The following KIAA0825 variants were observed in gnomAD, a reference collection of about 807,000 sequenced individuals.
KIAA0825 encodes the protein KIAA0825, also known as uncharacterized protein KIAA0825.
KIAA0825 carries 119 observed loss-of-function variants against 147.6 expected under a neutral mutation model. The observed-to-expected ratio is 0.81, with a 90% CI of 0.69 to 0.94. The LOEUF is 0.94. Ranked by LOEUF, KIAA0825 falls within the 40% of genes least tolerant of loss-of-function variation. The pLI is 0.00. For missense variants in KIAA0825, 1,381 were observed against 1,472.7 expected (o/e 0.94, Z 1.02); for synonymous variants, 470 against 518.1 (o/e 0.91, Z 1.26).
chr5:94,399,462 C>T (rs981877258), intron 16 of KIAA0825, among the ~76,000 whole-genome samples: 1 of 152,048 alleles, frequency 6.6e-6, no homozygotes, highest in African/African-American at 2.4e-5. Flanking sequence ...CACTCAAATC[C>T]CCAGCTATTT....
intron 3 of KIAA0825, among the ~76,000 whole-genome samples, chr5:94,531,969 A>C (rs1770883652): frequency 6.6e-6 from 1 of 152,164 alleles, no homozygotes; most frequent in Non-Finnish European, 1.5e-5. Flanking sequence ...ACATACATAT[A>C]AACAGCCATC....
intron 20 of KIAA0825, among the ~76,000 whole-genome samples, chr5:94,297,714 G>C (rs187313178): frequency 6.6e-6 from 1 of 151,886 alleles, no homozygotes; most frequent in Non-Finnish European, 1.5e-5. Context: ...TCCTGCCTTA[G>C]CCTTGTGAGT....
chr5:94,166,525 T>TTTTTTTTA (rs398050548), intron 20 of KIAA0825, among the ~76,000 whole-genome samples: 1 of 145,676 alleles, frequency 6.9e-6, no homozygotes, highest in Non-Finnish European at 1.5e-5. Context: ...TTTTTTTTTT[T>TTTTTTTTA]GAGATGGAAT....
In KIAA0825 at chr5:94,455,960, A is replaced by C. The variant is rs573331007; in HGVS notation, c.2247-2891T>G. On this transcript the variant is annotated intron_variant, in intron 12 of 20. Transcript: ENST00000682413. ...TGTACCAGAGTCTGGATACAGCCCAAGAAAGTGAGGGTATGAGGAGGACCA... is the reference window on the plus strand; with the variant it reads ...TGTACCAGAGTCTGGATACAGCCCACGAAAGTGAGGGTATGAGGAGGACCA... Among the ~76,000 whole-genome samples the C allele has an allele frequency of 3.3e-5, 5 of 152,290 alleles. No individual in the cohort carries two copies. The East Asian group carries it at 9.7e-4, about 29-fold the overall frequency.
chr5:94,455,185 C>T (rs1254304177), intron 12 of KIAA0825, among the ~76,000 whole-genome samples: 2 of 151,972 alleles, frequency 1.3e-5, no homozygotes. Flanking sequence ...CACACTACCC[C>T]CCAACCCCCC....
At chr5:94,360,703 T>C (rs921019046) in intron 20 of KIAA0825, among the ~76,000 whole-genome samples, 5 of 152,196 alleles carry the variant, frequency 3.3e-5, no homozygotes, top group Admixed American at 1.3e-4. Flanking sequence ...TACTGGAAAT[T>C]GCCCACCCCT....
At chr5:94,210,011 A>G (rs1772557808) in intron 20 of KIAA0825, among the ~76,000 whole-genome samples, 1 of 152,190 alleles carries the variant, frequency 6.6e-6, no homozygotes, top group South Asian at 2.1e-4. Flanking sequence ...ATTTGTCACA[A>G]CCCATCAATA....
chr5:94,570,944 T>C (rs1286955219), intron 2 of KIAA0825, among the ~76,000 whole-genome samples: 1 of 152,244 alleles, frequency 6.6e-6, no homozygotes, highest in Non-Finnish European at 1.5e-5. Flanking sequence ...GTTATTTTTG[T>C]TTTATTCAAC....
chr5:94,409,577 A>G (rs541338364), intron 15 of KIAA0825, among the ~76,000 whole-genome samples: 4 of 152,280 alleles, frequency 2.6e-5, no homozygotes, highest in Admixed American at 2.6e-4. Context: ...TCTTACACAG[A>G]ATACTAGACT....
intron 20 of KIAA0825, among the ~76,000 whole-genome samples, chr5:94,218,919 A>G (rs1243821549): frequency 3.3e-5 from 5 of 152,014 alleles, no homozygotes; most frequent in African/African-American, 1.2e-4. Flanking sequence ...TACCTTATTC[A>G]GCTTTGGGGT....
chr5:94,513,573 T>C (rs1422854524), intron 5 of KIAA0825, among the ~76,000 whole-genome samples: 1 of 152,166 alleles, frequency 6.6e-6, no homozygotes, highest in Non-Finnish European at 1.5e-5. Context: ...CAATATACTT[T>C]CCATTTTTGT....
At chr5:94,505,371 A>G (rs1426738160) in intron 5 of KIAA0825, among the ~76,000 whole-genome samples, 3 of 151,934 alleles carry the variant, frequency 2.0e-5, no homozygotes, top group African/African-American at 7.2e-5. Context: ...TAAAAAAAAA[A>G]AAAAAAAGTT....
intron 20 of KIAA0825, among the ~76,000 whole-genome samples, chr5:94,171,999 A>T (rs1768663233): frequency 1.3e-5 from 2 of 152,198 alleles, no homozygotes; most frequent in Non-Finnish European, 2.9e-5. Context: ...TCTCATTAGG[A>T]TTCCACGCTG....
Position 94,614,705 on chromosome 5 carries a change from G to GA in KIAA0825, c.-153+3794dup, listed in dbSNP as rs552707906. Among the ~76,000 whole-genome samples the GA allele has an allele frequency of 3.3e-3, 478 of 145,492 alleles. 4 individuals are homozygous for GA. The highest frequency in any genetic ancestry group is 0.01 in the African/African-American group (412 of 39,792). On this transcript the variant is annotated intron_variant, in intron 1 of 20. Transcript: ENST00000682413. ...AGGTCTTTCCTCATCTGCCCTCCTG[G>GA]AAAAAAAAAAATCTCTTTTCTTTGC...
chr5:94,589,475 G>C (rs1783949278), intron 1 of KIAA0825, among the ~76,000 whole-genome samples: 1 of 152,186 alleles, frequency 6.6e-6, no homozygotes, highest in South Asian at 2.1e-4. Flanking sequence ...ATTTGACAGA[G>C]AATGCTTTGA....
chr5:94,414,437 A>AG (rs1485202520), intron 15 of KIAA0825: 3 of 152,190 alleles, frequency 2.0e-5, no homozygotes, highest in African/African-American at 7.2e-5. Context: ...TTTCTTACAG[A>AG]GTGCATTGGC....
chr5:94,279,782 G>C (rs1403019909), intron 20 of KIAA0825, among the ~76,000 whole-genome samples: 1 of 151,956 alleles, frequency 6.6e-6, no homozygotes, highest in Non-Finnish European at 1.5e-5. Context: ...TGTCTTTATA[G>C]GAGGACCACC....
rs17083687 is a variant in KIAA0825, at chr5:94,439,395, A to G, written c.2497+587T>C. On this transcript the variant is annotated intron_variant, in intron 14 of 20. Coordinates refer to ENST00000682413, the MANE Select transcript of KIAA0825 (RefSeq NM_001145678.3). ...TTATACTGACATAACATTACTTACC[A>G]TTTTCTTAAAAAGCATTTAAAGGGG... Among the ~76,000 whole-genome samples, 1,147 of 152,222 alleles carry G rather than the reference A, an allele frequency of 7.5e-3. 17 individuals carry two copies. The highest frequency in any genetic ancestry group is 0.026 in the African/African-American group (1,091 of 41,528).
chr5:94,255,157 G>A (rs1290501859), intron 20 of KIAA0825, among the ~76,000 whole-genome samples: 4 of 150,882 alleles, frequency 2.7e-5, no homozygotes, highest in African/African-American at 9.8e-5. Context: ...TCATGACAAT[G>A]GCATTTGATT....
Sources: allele counts gnomAD v4.1 joint callset (sites outside exome capture counted in the v4.1 genomes callset), GRCh38; gene constraint gnomAD v4.1.1; transcripts MANE v1.5; gene names NCBI Gene and HGNC (gene_info 2026-07-23, HGNC 2026-07-21).